Variants in TENT2 observed in about 807,000 individuals in gnomAD.
TENT2 encodes the protein terminal nucleotidyltransferase 2, also known as poly(A) RNA polymerase GLD2.
TENT2 carries 44 observed loss-of-function variants against 72.2 expected under a neutral mutation model. That is an observed-to-expected ratio of 0.61 (90% confidence interval 0.48 to 0.78). The LOEUF is 0.78. TENT2 is among the 30% of genes least tolerant of loss of function. The pLI, the probability that TENT2 is intolerant of heterozygous loss-of-function variation, is 0.00. For missense variants in TENT2, 541 were observed against 569.6 expected, an observed-to-expected ratio of 0.95 and a Z score of 0.51; for synonymous variants, 212 against 192.5, an observed-to-expected ratio of 1.10 and a Z score of -0.84.
chr5:79,653,687 T>G (rs1346528058), intron 10 of TENT2, among the ~76,000 whole-genome samples: 1 of 152,294 alleles, frequency 6.6e-6, no homozygotes, highest in African/African-American at 2.4e-5. Context: ...CTAATGTGTA[T>G]CTCTATACTG....
chr5:79,628,907 G>A (rs377210578), intron 4 of TENT2, among the ~76,000 whole-genome samples: 26 of 152,158 alleles, frequency 1.7e-4, no homozygotes, highest in Non-Finnish European at 3.4e-4. Flanking sequence ...AGTTTGGCAC[G>A]GCTAGATGCT....
Position 79,675,791 on chromosome 5 carries a change from A to G in TENT2, c.1209-3788A>G, listed in dbSNP as rs557593549. ...GCACAGAGATGCCTATAGGACATCC[A>G]GGTGACAGTTTCCAATAGCTGGTTG... On this transcript the variant is annotated intron_variant, in intron 12 of 14. Transcript: ENST00000453514. 4.6e-5 allele frequency among the ~76,000 whole-genome samples: 7 copies of G among 152,320 alleles called. No individual in the cohort carries two copies. In the East Asian group the frequency reaches 1.4e-3, roughly 29 times the overall value.
intron 3 of TENT2, among the ~76,000 whole-genome samples, chr5:79,622,057 T>C (rs1344258569): frequency 6.6e-6 from 1 of 151,988 alleles, no homozygotes; most frequent in Non-Finnish European, 1.5e-5. Flanking sequence ...TCCCAGCACT[T>C]TGGGAGGCTG....
In TENT2 at chr5:79,642,888, T is replaced by C. The variant is rs1159854403; in HGVS notation, c.729T>C (p.His243=). 1 of 1,612,062 alleles carries C rather than the reference T, an allele frequency of 6.2e-7. No homozygotes were observed. Among genetic ancestry groups the C allele is most frequent in the Admixed American group, 1.7e-5 (1 of 59,890 alleles). ...TEARHILTLV[H]KHFCTRLSGY... is the part of the protein sequence containing the mutation. ...CACGGCATATACTCACCTTAGTCCA[T>C]AAACACTTCTGTACTAGACTTTGTA... The change falls in exon 7 of 15, where the codon CAT becomes CAC. Residue 243 remains histidine (H), a synonymous_variant. Transcript: ENST00000453514.
chr5:79,664,451 C>T (rs148927275), intron 11 of TENT2, among the ~76,000 whole-genome samples: 40 of 152,012 alleles, frequency 2.6e-4, no homozygotes, highest in African/African-American at 7.0e-4. Context: ...AAAAATTAGC[C>T]GAGTGTGGAG....
At chr5:79,623,217 A>G (rs775985123) in intron 3 of TENT2, 35 bp from the exon 4 acceptor site, 2 of 1,450,598 alleles carry the variant, frequency 1.4e-6, no homozygotes, top group Admixed American at 2.2e-5. Context: ...AGAAAGTTGT[A>G]TCTTTAATTA....
At chr5:79,635,065 C>T (rs1181716387) in intron 4 of TENT2, among the ~76,000 whole-genome samples, 1 of 152,156 alleles carries the variant, frequency 6.6e-6, no homozygotes, top group Non-Finnish European at 1.5e-5. Flanking sequence ...TATGCATGGT[C>T]AGCTTGTTAT....
chr5:79,628,179 T>C (rs1217621263), intron 4 of TENT2, among the ~76,000 whole-genome samples: 1 of 152,238 alleles, frequency 6.6e-6, no homozygotes, highest in African/African-American at 2.4e-5. Flanking sequence ...TGAGTATCTG[T>C]CATTACTGGC....
chr5:79,664,443 A>G (rs1805583918), intron 11 of TENT2, among the ~76,000 whole-genome samples: 1 of 152,026 alleles, frequency 6.6e-6, no homozygotes, highest in African/African-American at 2.4e-5. Flanking sequence ...AAAAATACAA[A>G]AATTAGCCGA....
chr5:79,682,002 A>T lies in TENT2; in HGVS notation c.1321A>T (p.Thr441Ser). The change falls in exon 14 of 15, where the codon ACA (threonine) becomes TCA (serine). Residue 441 changes from threonine to serine, a missense_variant. Physicochemically the swap from Thr to Ser is moderately conservative, Grantham distance 58. Coordinates refer to ENST00000453514, the MANE Select transcript of TENT2 (RefSeq NM_001114394.3). ...CVEEPFDGTN[T>S]ARAVHEKQKF... The stretch of plus-strand genomic sequence containing the variant: ...TGCAGAACCTTTTGATGGAACAAAT[A>T]CAGCCAGAGCAGTGCACGAAAAGCA... 1 of 1,613,292 alleles carries T rather than the reference A, an allele frequency of 6.2e-7. No homozygotes were observed. The highest frequency in any genetic ancestry group is 8.5e-7 in the Non-Finnish European group (1 of 1,179,680).
intron 12 of TENT2, among the ~76,000 whole-genome samples, chr5:79,672,042 G>T (rs1185554626): frequency 6.6e-6 from 1 of 151,862 alleles, no homozygotes; most frequent in East Asian, 1.9e-4. Context: ...GGTGGGGGTT[G>T]CAGTGAGCTG....
At chr5:79,651,207 T>A (rs1171962733) in intron 10 of TENT2, among the ~76,000 whole-genome samples, 1 of 151,970 alleles carries the variant, frequency 6.6e-6, no homozygotes, top group African/African-American at 2.4e-5. Flanking sequence ...TTTAGCCAAA[T>A]ATAAATACAT....
At chr5:79,683,902 CG>C (rs1824315703) in intron 14 of TENT2, among the ~76,000 whole-genome samples, 1 of 109,216 alleles carries the variant, frequency 9.2e-6, no homozygotes, top group Admixed American at 1.5e-4. Context: ...CCAGCCTGGG[CG>C]ACAGAGCGAG....
At chr5:79,636,029 T>G (rs1196164652) in intron 4 of TENT2, among the ~76,000 whole-genome samples, 1 of 152,234 alleles carries the variant, frequency 6.6e-6, no homozygotes, top group Non-Finnish European at 1.5e-5. Flanking sequence ...TTTCTTTTCT[T>G]TTTAACAATG....
Position 79,668,193 on chromosome 5 carries a change from T to A in TENT2, c.1072-699T>A, listed in dbSNP as rs368084375. Among the ~76,000 whole-genome samples, 60 of 152,234 alleles carry A rather than the reference T, an allele frequency of 3.9e-4. 1 individual carries two copies. The East Asian group carries it at 4.8e-3, about 12-fold the overall frequency. On this transcript the variant is annotated intron_variant, in intron 11 of 14. Coordinates refer to ENST00000453514, the MANE Select transcript of TENT2 (RefSeq NM_001114394.3). ...AAGTACCCGTTAGTATTCTTTCTAA[T>A]AGGCGTCTTTGTTCCTGGATTTCAG...
rs553723877 is a variant in TENT2, at chr5:79,663,773, C to T, written c.1072-5119C>T. Among the ~76,000 whole-genome samples the T allele has an allele frequency of 1.1e-4, 17 of 152,166 alleles. No homozygotes were observed. The South Asian group carries it at 3.3e-3, about 30-fold the overall frequency. On this transcript the variant is annotated intron_variant, in intron 11 of 14. Coordinates refer to ENST00000453514, the MANE Select transcript of TENT2 (RefSeq NM_001114394.3). ...GAGTGGAACACAGAGACCTGAAGTGCGCACACGCTGCTGGAAAAATGGCAC... is the reference window on the plus strand; with the variant it reads ...GAGTGGAACACAGAGACCTGAAGTGTGCACACGCTGCTGGAAAAATGGCAC...
At chr5:79,653,701 A>G (rs1479858847) in intron 10 of TENT2, among the ~76,000 whole-genome samples, 4 of 152,136 alleles carry the variant, frequency 2.6e-5, no homozygotes, top group African/African-American at 9.7e-5. Context: ...TATACTGGCA[A>G]ATTTAAGCTA....
At chr5:79,640,250 C>T (rs1290578956) in intron 4 of TENT2, among the ~76,000 whole-genome samples, 3 of 130,470 alleles carry the variant, frequency 2.3e-5, no homozygotes, top group South Asian at 2.3e-4. Flanking sequence ...AGTAAGACTC[C>T]GTCTCAAAAA....
At chr5:79,631,658 CAAAAGG>C in intron 4 of TENT2, among the ~76,000 whole-genome samples, 1 of 152,084 alleles carries the variant, frequency 6.6e-6, no homozygotes, top group South Asian at 2.1e-4. Flanking sequence ...AAGGGAGGAG[CAAAAGG>C]TGTGAAGTTA....
Sources: allele counts gnomAD v4.1 joint callset (sites outside exome capture counted in the v4.1 genomes callset), GRCh38; gene constraint gnomAD v4.1.1; transcripts MANE v1.5; gene names NCBI Gene and HGNC (gene_info 2026-07-23, HGNC 2026-07-21).